The following CRYBA1 variants were observed in gnomAD, a reference collection of about 807,000 sequenced individuals.
The protein encoded by CRYBA1 is beta-crystallin A3.
In CRYBA1, 25 loss-of-function variants were observed where a neutral mutation model predicts 36.2. The observed-to-expected ratio is 0.69, with a 90% confidence interval of 0.50 to 0.97. The LOEUF (loss-of-function observed/expected upper bound fraction) is 0.97, where lower values mean the gene tolerates loss of function less well. CRYBA1 is among the 50% of genes least tolerant of loss of function. The pLI is 0.00. For synonymous variants in CRYBA1, 111 were observed against 90.0 expected, an observed-to-expected ratio of 1.23 and a Z score of -1.32; for missense variants, 224 against 276.3, an observed-to-expected ratio of 0.81 and a Z score of 1.34.
Position 29,254,471 on chromosome 17 carries a change from T to A in CRYBA1, c.*122T>A. ...AAATGTTAGCTGCTGAAATCCACAA[T>A]AAACGTCATTTAAAAAAAAAAAACT... On this transcript the variant is annotated 3_prime_UTR_variant, in exon 6 of 6. Transcript: ENST00000225387. 3 of 1,047,846 alleles carry A rather than the reference T, an allele frequency of 2.9e-6. No individual in the cohort carries two copies. Among genetic ancestry groups the A allele is most frequent in the Non-Finnish European group, 2.8e-6 (2 of 703,148 alleles). 64.9% of individuals were successfully genotyped at this position (1,047,846 alleles called of 1,614,324 possible).
chr17:29,253,987 C>T (rs190831482), intron 5 of CRYBA1, among the ~76,000 whole-genome samples: 42 of 152,256 alleles, frequency 2.8e-4, no homozygotes, highest in African/African-American at 3.4e-4. Flanking sequence ...GAAGAATTTA[C>T]GTTGACTACT....
chr17:29,247,973 G>A (rs889397830), intron 1 of CRYBA1, among the ~76,000 whole-genome samples: 2 of 152,080 alleles, frequency 1.3e-5, no homozygotes, highest in East Asian at 1.9e-4. Flanking sequence ...AAAATTAGCC[G>A]GGCGTGGTGG....
chr17:29,247,509 C>T (rs2068907758), intron 1 of CRYBA1, among the ~76,000 whole-genome samples: 1 of 152,294 alleles, frequency 6.6e-6, no homozygotes, highest in African/African-American at 2.4e-5. Context: ...TAAAACAGGG[C>T]CGGACATGTA....
At chr17:29,248,783 A>G (rs956282358) in intron 1 of CRYBA1, among the ~76,000 whole-genome samples, 1 of 151,888 alleles carries the variant, frequency 6.6e-6, no homozygotes, top group Non-Finnish European at 1.5e-5. Flanking sequence ...CCTGGCCAAC[A>G]TGGTGAAACC....
intron 1 of CRYBA1, 150 bp downstream of exon 1, chr17:29,247,044 CTT>C: frequency 1.2e-6 from 1 of 860,632 alleles, no homozygotes; most frequent in South Asian, 1.4e-5. Flanking sequence ...ACAGCCTTCT[CTT>C]GTCACCCCAA....
chr17:29,248,369 T>C (rs1230197045), intron 1 of CRYBA1, among the ~76,000 whole-genome samples: 2 of 140,704 alleles, frequency 1.4e-5, no homozygotes, highest in Non-Finnish European at 3.1e-5. Context: ...GTTTTTTTTC[T>C]TTTTTTTTTT....
At chr17:29,250,157 C>T (rs775283625) in intron 2 of CRYBA1, 25 bp from the exon 3 acceptor site, 14 of 1,286,568 alleles carry the variant, frequency 1.1e-5, no homozygotes, top group South Asian at 1.1e-4. Flanking sequence ...TTCTAGCTCT[C>T]TTGCGCCATT....
At chr17:29,248,050 A>G (rs1472530621) in intron 1 of CRYBA1, among the ~76,000 whole-genome samples, 1 of 151,488 alleles carries the variant, frequency 6.6e-6, no homozygotes, top group Non-Finnish European at 1.5e-5. Flanking sequence ...TGGGAGGCGG[A>G]GGTTGCGGTG....
chr17:29,247,251 G>A (rs956614929), intron 1 of CRYBA1, among the ~76,000 whole-genome samples: 3 of 152,330 alleles, frequency 2.0e-5, no homozygotes, highest in East Asian at 1.9e-4. Context: ...CAGCCAGGAG[G>A]AGGGCCATGA....
intron 4 of CRYBA1, among the ~76,000 whole-genome samples, chr17:29,253,106 A>C (rs866537356): frequency 3.3e-5 from 5 of 152,218 alleles, no homozygotes; most frequent in African/African-American, 1.2e-4. Context: ...ACATTCCATC[A>C]TAGTTCCCTG....
At position 29,249,605 on chromosome 17, in the gene CRYBA1, A is replaced by T. The variant is rs558293705; in HGVS notation, c.96+399A>T. Reference sequence around the variant, plus strand: ...GAGGTTGGCTTTAACCATTGGCCGAAGTGGCTGATCCTCAGGCCTCTCACT... The same window carrying T: ...GAGGTTGGCTTTAACCATTGGCCGATGTGGCTGATCCTCAGGCCTCTCACT... On this transcript the variant is annotated intron_variant, in intron 2 of 5. Transcript: ENST00000225387. 5.3e-5 allele frequency among the ~76,000 whole-genome samples: 8 copies of T among 152,270 alleles called. No homozygotes were observed. The East Asian group carries it at 1.5e-3, about 29-fold the overall frequency.
Position 29,250,220 on chromosome 17 carries a change from G to A in CRYBA1, c.135G>A (p.Arg45=), listed in dbSNP as rs1264227866. 3 of 1,612,032 alleles carry A rather than the reference G, an allele frequency of 1.9e-6. No homozygotes were observed. In the South Asian group the frequency reaches 3.3e-5, roughly 18 times the overall value. Residue 45 remains arginine (R), a synonymous_variant, in exon 3 of 6, where the codon AGG becomes AGA. Coordinates refer to ENST00000225387, the MANE Select transcript of CRYBA1 (RefSeq NM_005208.5). ...IYDQENFQGK[R]MEFTSSCPNV... ...ATCAGGAGAACTTTCAGGGCAAGAG[G>A]ATGGAGTTCACCAGCTCCTGTCCAA...
At chr17:29,254,095 C>T (rs748998983) in intron 5 of CRYBA1, 107 bp from the exon 6 acceptor site, 43 of 1,277,644 alleles carry the variant, frequency 3.4e-5, no homozygotes, top group Non-Finnish European at 4.4e-5. Context: ...TTTTTCTAAG[C>T]CTAAAAGCAT....
chr17:29,254,053 C>A, intron 5 of CRYBA1, 149 bp from the exon 6 acceptor site: 1 of 909,592 alleles, frequency 1.1e-6, no homozygotes, highest in Non-Finnish European at 1.7e-6. Flanking sequence ...ATTATGCTTA[C>A]AAATAGTGCC....
intron 1 of CRYBA1, among the ~76,000 whole-genome samples, 180 bp from the exon 2 acceptor site, chr17:29,248,962 T>C (rs535494968): frequency 6.6e-6 from 1 of 152,118 alleles, no homozygotes; most frequent in Non-Finnish European, 1.5e-5. Flanking sequence ...AGAAAGACCC[T>C]GTCTCAAAAT....
At chr17:29,253,451 T>C (rs1425457805) in intron 4 of CRYBA1, among the ~76,000 whole-genome samples, 189 bp from the exon 5 acceptor site, 3 of 152,234 alleles carry the variant, frequency 2.0e-5, no homozygotes, top group Non-Finnish European at 2.9e-5. Flanking sequence ...ACATTCAAAA[T>C]GTTATGGTAT....
At chr17:29,247,946 G>A (rs1052461005) in intron 1 of CRYBA1, among the ~76,000 whole-genome samples, 2 of 152,034 alleles carry the variant, frequency 1.3e-5, no homozygotes, top group Non-Finnish European at 1.5e-5. Context: ...GAGAAACCCC[G>A]TCTCTACTAA....
At position 29,249,128 on chromosome 17, in the gene CRYBA1, G is replaced by A. The variant is rs750793408; in HGVS notation, c.32-14G>A. The A allele has an allele frequency of 6.3e-7, 1 of 1,592,630 alleles. No individual in the cohort carries two copies. Among genetic ancestry groups the A allele is most frequent in the East Asian group, 2.2e-5 (1 of 44,792 alleles). On this transcript the variant is annotated splice_polypyrimidine_tract_variant and intron_variant, in intron 1 of 5. Coordinates refer to ENST00000225387, the MANE Select transcript of CRYBA1 (RefSeq NM_005208.5). The stretch of plus-strand genomic sequence containing the variant: ...CCAAGAGGCCACATCATTCGTGTGT[G>A]CTCTGTCTTCCAGAAACCCTTCCAA...
intron 1 of CRYBA1, among the ~76,000 whole-genome samples, chr17:29,247,318 C>G (rs2068906804): frequency 6.6e-6 from 1 of 152,172 alleles, no homozygotes; most frequent in Admixed American, 6.5e-5. Flanking sequence ...TCCCTTCCTC[C>G]CCCACTTTTC....
Sources: allele counts gnomAD v4.1 joint callset (sites outside exome capture counted in the v4.1 genomes callset), GRCh38; gene constraint gnomAD v4.1.1; transcripts MANE v1.5; gene names NCBI Gene and HGNC (gene_info 2026-07-23, HGNC 2026-07-21).